Variants in CCDC69 observed in about 807,000 individuals in gnomAD.
The protein encoded by CCDC69 is coiled-coil domain-containing protein 69.
CCDC69 carries 38 observed loss-of-function variants against 40.3 expected under a neutral mutation model. The observed-to-expected ratio is 0.94, with a 90% CI of 0.73 to 1.24. The LOEUF (loss-of-function observed/expected upper bound fraction) is 1.24, where lower values mean the gene tolerates loss of function less well. Among genes scored for constraint, CCDC69 ranks in the 50% most tolerant of loss-of-function variants. The pLI is 0.00. For synonymous variants in CCDC69, 141 were observed against 138.9 expected (o/e 1.02, Z -0.11); for missense variants, 389 against 357.9 (o/e 1.09, Z -0.70).
intron 1 of CCDC69, among the ~76,000 whole-genome samples, chr5:151,206,951 A>C (rs776645572): frequency 5.3e-4 from 80 of 150,522 alleles, no homozygotes; most frequent in Non-Finnish European, 9.5e-4. Flanking sequence ...TTTGAGACAG[A>C]GTCTTGCTCT....
At chr5:151,222,524 G>T (rs1753149001) in intron 1 of CCDC69, among the ~76,000 whole-genome samples, 1 of 152,224 alleles carries the variant, frequency 6.6e-6, no homozygotes, top group African/African-American at 2.4e-5. Flanking sequence ...GGATCATCCT[G>T]CTCATCACTC....
chr5:151,198,656 C>G (rs1218106928), intron 4 of CCDC69, among the ~76,000 whole-genome samples: 1 of 152,166 alleles, frequency 6.6e-6, no homozygotes, highest in African/African-American at 2.4e-5. Context: ...TAAATAAGAG[C>G]TACCATCATC....
chr5:151,191,097 TAA>T (rs34459123), intron 4 of CCDC69, among the ~76,000 whole-genome samples: 2 of 148,164 alleles, frequency 1.3e-5, no homozygotes, highest in Admixed American at 6.7e-5. Context: ...AAGTTGAAAT[TAA>T]AAAAAAAAAC....
At chr5:151,207,666 G>C (rs1379924308) in intron 1 of CCDC69, among the ~76,000 whole-genome samples, 1 of 152,134 alleles carries the variant, frequency 6.6e-6, no homozygotes, top group Admixed American at 6.5e-5. Flanking sequence ...GTAAGGAAAA[G>C]CTTAAGAACA....
Position 151,183,636 on chromosome 5 carries a change from A to G in CCDC69, c.714-22T>C, listed in dbSNP as rs528319601. 35 of 1,586,276 alleles carry G rather than the reference A, an allele frequency of 2.2e-5. No homozygotes were observed. In the African/African-American group the frequency reaches 3.8e-4, roughly 17 times the overall value. ...CTGCCTGTGGATGCACACAGAGCCC[A>G]GGGTTGCCTACTGGGAGCAGCTGCC... On this transcript the variant is annotated intron_variant, in intron 8 of 8. Transcript: ENST00000355417.
rs574021428 is a variant in CCDC69 at position 151,203,276 on chromosome 5, G to A, written c.125-1588C>T. On this transcript the variant is annotated intron_variant, in intron 2 of 8. Coordinates refer to ENST00000355417, the MANE Select transcript of CCDC69 (RefSeq NM_015621.3). ...TGTAATCCCAGCACTTTGGGAGGCCGAGGTGAGCAGATCACTTAAGGTCAG... is the reference window on the plus strand; with the variant it reads ...TGTAATCCCAGCACTTTGGGAGGCCAAGGTGAGCAGATCACTTAAGGTCAG... Among the ~76,000 whole-genome samples the A allele has an allele frequency of 1.6e-3, 242 of 152,002 alleles. 2 individuals carry two copies. Among genetic ancestry groups the A allele is most frequent in the African/African-American group, 5.2e-3 (216 of 41,462 alleles).
rs1766630739 is a variant in CCDC69 at position 151,181,643 on chromosome 5, A to C, written c.*1794T>G. 6.6e-6 allele frequency: 1 copy of C among 152,232 alleles called. No individual in the cohort carries two copies. Among genetic ancestry groups the C allele is most frequent in the South Asian group, 2.1e-4 (1 of 4,832 alleles). The allele number at this position is 152,232 out of a possible 1,614,324, so 9.4% of individuals were successfully genotyped here. ...CTGGATACTTAGCTCCCTTCTTGTAAGTTTGCCACACACATTGGCATATTA... is the reference window on the plus strand; with the variant it reads ...CTGGATACTTAGCTCCCTTCTTGTACGTTTGCCACACACATTGGCATATTA... On this transcript the variant is annotated 3_prime_UTR_variant, in exon 9 of 9. Coordinates refer to ENST00000355417, the MANE Select transcript of CCDC69 (RefSeq NM_015621.3).
intron 1 of CCDC69, among the ~76,000 whole-genome samples, chr5:151,213,428 A>AT (rs1752982331): frequency 7.6e-6 from 1 of 131,930 alleles, no homozygotes; most frequent in African/African-American, 3.0e-5. Flanking sequence ...TTTTTTTTGT[A>AT]TTTTTTGTGA....
chr5:151,212,590 T>C (rs199566578), intron 1 of CCDC69, among the ~76,000 whole-genome samples: 2 of 152,034 alleles, frequency 1.3e-5, no homozygotes, highest in East Asian at 3.9e-4. Context: ...TGCTCTAGAG[T>C]ATACTCTCAT....
At chr5:151,217,021 A>G (rs1753054165) in intron 1 of CCDC69, among the ~76,000 whole-genome samples, 1 of 152,296 alleles carries the variant, frequency 6.6e-6, no homozygotes, top group Admixed American at 6.5e-5. Context: ...AATGTTCCAT[A>G]GCAACCATGA....
intron 4 of CCDC69, 98 bp downstream of exon 4, chr5:151,198,899 A>G (rs919167011): frequency 9.3e-6 from 8 of 863,414 alleles, no homozygotes; most frequent in Admixed American, 1.7e-5. Flanking sequence ...TCAGACAGAC[A>G]GGGAGGGAAC....
Position 151,200,834 on chromosome 5 carries a change from A to G in CCDC69, c.231+748T>C, listed in dbSNP as rs570547386. 3.9e-5 allele frequency among the ~76,000 whole-genome samples: 6 copies of G among 152,304 alleles called. No homozygotes were observed. In the South Asian group the frequency reaches 1.2e-3, roughly 32 times the overall value. ...AGCCTCCGTGTCATCCCTTTAGAGA[A>G]GCCTTCTCTGATCCCACAGCCTTGG... is the stretch of plus-strand genomic sequence containing the variant. On this transcript the variant is annotated intron_variant, in intron 3 of 8. Transcript: ENST00000355417.
chr5:151,196,829 T>C (rs1292847622), intron 4 of CCDC69, among the ~76,000 whole-genome samples: 1 of 152,168 alleles, frequency 6.6e-6, no homozygotes, highest in Non-Finnish European at 1.5e-5. Flanking sequence ...GTTCAAAAAG[T>C]TAAGCACAGA....
intron 4 of CCDC69, 91 bp downstream of exon 4, chr5:151,198,906 G>T: frequency 1.1e-6 from 1 of 906,714 alleles, no homozygotes; most frequent in South Asian, 1.3e-5. Context: ...GACAGGGAGG[G>T]AACAGTGGGA....
intron 1 of CCDC69, among the ~76,000 whole-genome samples, chr5:151,214,901 G>A (rs1365076288): frequency 3.3e-5 from 5 of 152,184 alleles, no homozygotes; most frequent in African/African-American, 9.7e-5. Flanking sequence ...CTTCACAGAC[G>A]ATGACACTGA....
intron 1 of CCDC69, among the ~76,000 whole-genome samples, chr5:151,213,697 G>A (rs1224952820): frequency 1.3e-5 from 2 of 152,184 alleles, no homozygotes; most frequent in East Asian, 3.8e-4. Context: ...AGCCTGTCCT[G>A]CAGAGACTTG....
chr5:151,205,205 T>G (rs1043348214), intron 2 of CCDC69, among the ~76,000 whole-genome samples, 195 bp downstream of exon 2: 2 of 152,136 alleles, frequency 1.3e-5, no homozygotes, highest in Non-Finnish European at 2.9e-5. Context: ...ACTCTAGGTG[T>G]GGTATCAACA....
chr5:151,184,953 A>T (rs1752465874), intron 7 of CCDC69: 1 of 157,286 alleles, frequency 6.4e-6, no homozygotes, highest in African/African-American at 2.4e-5. Context: ...GGATGGTGAC[A>T]TGAGATGGTA....
chr5:151,194,890 T>TTAA (rs1315197834), intron 4 of CCDC69, among the ~76,000 whole-genome samples: 1 of 27,896 alleles, frequency 3.6e-5, no homozygotes, highest in African/African-American at 1.6e-4. Context: ...AGCCTCCATC[T>TTAA]CAAAAAAAAA....
Sources: gnomAD v4.1 joint callset for allele counts (sites outside exome capture counted in the v4.1 genomes callset) on GRCh38, gnomAD v4.1.1 for gene constraint, MANE v1.5 for transcripts, NCBI Gene and HGNC (gene_info 2026-07-23, HGNC 2026-07-21) for gene names.